IST1: variants seen among roughly 807,000 people sequenced by gnomAD.
IST1 encodes IST1 factor associated with ESCRT-III, also known as IST1 homolog.
A neutral mutation model predicts 37.0 loss-of-function variants in IST1; 23 were observed. That is an observed-to-expected ratio of 0.62 (90% CI 0.45 to 0.88). IST1 has a LOEUF of 0.88. IST1 is among the 40% of genes least tolerant of loss of function. IST1 has a pLI of 0.00. For synonymous variants in IST1, 180 were observed against 161.7 expected, an observed-to-expected ratio of 1.11 and a Z score of -0.86; for missense variants, 488 against 445.4, an observed-to-expected ratio of 1.10 and a Z score of -0.86.
At chr16:71,907,187 CT>C (rs5817797) in intron 1 of IST1, among the ~76,000 whole-genome samples, 78,087 of 135,962 alleles carry the variant, frequency 0.57, 21,680 homozygotes, top group East Asian at 0.9. Context: ...TTTTTTCTTT[CT>C]TTTTTTTTTT....
chr16:71,924,365 T>G (rs1351904858), intron 8 of IST1: 1 of 373,814 alleles, frequency 2.7e-6, no homozygotes, highest in Non-Finnish European at 5.2e-6. Flanking sequence ...ATCCCAGCAC[T>G]TTGGGAGGCT....
chr16:71,895,139 G>A (rs567879930), upstream of IST1: 5 of 282,692 alleles, frequency 1.8e-5, no homozygotes, highest in South Asian at 4.6e-5. Flanking sequence ...AGATCTTAGG[G>A]AGCAACTCCC....
chr16:71,926,238 T>A (rs2037739467), intron 9 of IST1, among the ~76,000 whole-genome samples: 1 of 150,718 alleles, frequency 6.6e-6, no homozygotes, highest in Non-Finnish European at 1.5e-5. Context: ...ACCAAGATTA[T>A]GCCATTGCAC....
intron 1 of IST1, among the ~76,000 whole-genome samples, chr16:71,906,055 G>GT (rs1038956870): frequency 2.0e-5 from 3 of 148,654 alleles, no homozygotes; most frequent in Non-Finnish European, 4.4e-5. Context: ...TGAGGCTGGA[G>GT]TGCAGTGGTG....
chr16:71,930,247 C>G lies in IST1; in HGVS notation c.*2434C>G. ...TTAGTTTATACTTTACAAACATAAG[C>G]TATATGCTAGTGTTTGGGATCTTAT... On this transcript the variant is annotated 3_prime_UTR_variant, in exon 10 of 10. Coordinates refer to ENST00000378799, the MANE Select transcript of IST1 (RefSeq NM_001270975.2). 1 of 1,441,142 alleles carries G rather than the reference C, an allele frequency of 6.9e-7. No homozygotes were observed. The highest frequency in any genetic ancestry group is 9.2e-7 in the Non-Finnish European group (1 of 1,085,820). 89.3% of individuals were successfully genotyped at this position (1,441,142 alleles called of 1,614,324 possible).
chr16:71,927,209 C>CT (rs761116796), intron 9 of IST1, among the ~76,000 whole-genome samples: 1 of 151,938 alleles, frequency 6.6e-6, no homozygotes, highest in East Asian at 1.9e-4. Context: ...CTAGAATTAA[C>CT]TTTTTTTTAG....
intron 1 of IST1, among the ~76,000 whole-genome samples, chr16:71,898,987 ACACT>A (rs2037042165): frequency 6.6e-6 from 1 of 150,510 alleles, no homozygotes; most frequent in East Asian, 2.0e-4. Flanking sequence ...AAAAAAAGAA[ACACT>A]CTTGGTAAAA....
At chr16:71,906,187 T>C (rs967411121) in intron 1 of IST1, among the ~76,000 whole-genome samples, 3 of 151,756 alleles carry the variant, frequency 2.0e-5, no homozygotes, top group Non-Finnish European at 2.9e-5. Context: ...GTGTTTTTAG[T>C]AGAGACGGGG....
chr16:71,925,600 C>T (rs1203197123), intron 9 of IST1, among the ~76,000 whole-genome samples: 2 of 152,106 alleles, frequency 1.3e-5, no homozygotes, highest in Non-Finnish European at 2.9e-5. Flanking sequence ...AGGCATGAGC[C>T]ACCGTGCCCG....
chr16:71,918,455 T>TG (rs2037512468), intron 4 of IST1, among the ~76,000 whole-genome samples: 1 of 149,684 alleles, frequency 6.7e-6, no homozygotes. Flanking sequence ...CTTGCAGTGT[T>TG]GCCTGGGCTG....
upstream of IST1, chr16:71,894,625 A>T: frequency 1.9e-6 from 1 of 517,638 alleles, no homozygotes. Flanking sequence ...TTCTGGGCTC[A>T]AGCGATCTTC....
chr16:71,920,750 GCT>G lies in IST1; in HGVS notation c.372_373del (p.Ala126GlnfsTer3). On this transcript the variant is annotated frameshift_variant, in exon 5 of 10. Transcript: ENST00000378799. LOFTEE classifies it high-confidence loss of function. The part of the protein sequence containing the change: ...VAELKIVADQ[L>X]CAKYSKEYGK... ...CTTTTTCTTTTTAGGTTGCTGATCA[GCT>G]CTGTGCCAAGTATAGCAAGGAATAT... 6.2e-7 allele frequency: 1 copy of G among 1,613,640 alleles called. No individual in the cohort carries two copies. The highest frequency in any genetic ancestry group is 2.2e-5 in the East Asian group (1 of 44,876).
Position 71,920,759 on chromosome 16 carries a change from C to G in IST1, c.378C>G (p.Ala126=). 1.2e-6 allele frequency: 2 copies of G among 1,613,784 alleles called. No homozygotes were observed. Among genetic ancestry groups the G allele is most frequent in the Non-Finnish European group, 1.7e-6 (2 of 1,179,714 alleles). ...TTTAGGTTGCTGATCAGCTCTGTGC[C>G]AAGTATAGCAAGGAATATGGCAAGC... The part of the protein sequence containing the change: ...ELKIVADQLC[A]KYSKEYGKLC... Residue 126 remains alanine, a synonymous_variant, in exon 5 of 10, where the codon GCC becomes GCG. Transcript: ENST00000378799.
chr16:71,906,574 C>T (rs1373989342), intron 1 of IST1, among the ~76,000 whole-genome samples: 1 of 152,054 alleles, frequency 6.6e-6, no homozygotes, highest in African/African-American at 2.4e-5. Context: ...ACTTGGCCTC[C>T]CAAAGTGCTG....
At position 71,930,278 on chromosome 16, in the gene IST1, G is replaced by T; in HGVS notation, c.*2465G>T. 1 of 1,284,580 alleles carries T rather than the reference G, an allele frequency of 7.8e-7. No individual in the cohort carries two copies. Among genetic ancestry groups the T allele is most frequent in the Non-Finnish European group, 1.0e-6 (1 of 978,454 alleles). The allele number at this position is 1,284,580 out of a possible 1,614,324, so 79.6% of individuals were successfully genotyped here. A position where few individuals can be genotyped will look rare whatever the true frequency, so the allele number is the denominator to read the frequency against. On this transcript the variant is annotated 3_prime_UTR_variant, in exon 10 of 10. Coordinates refer to ENST00000378799, the MANE Select transcript of IST1 (RefSeq NM_001270975.2). The stretch of plus-strand genomic sequence containing the variant: ...GCTAGTGTTTGGGATCTTATCAGAA[G>T]AAAAGCTTATCCGAAGGAAACTTAG...
In IST1 at chr16:71,920,880, C is replaced by G. The variant is rs150610071; in HGVS notation, c.441+58C>G. ...TGTGTGGGAGCAGTTTATTGTACTG[C>G]TTGTGGCAATTCTAGTGGGTACCAC... On this transcript the variant is annotated intron_variant, in intron 5 of 9. Transcript: ENST00000378799. The G allele has an allele frequency of 1.9e-5, 23 of 1,217,254 alleles. No individual in the cohort carries two copies. The East Asian group carries it at 5.3e-4, about 28-fold the overall frequency. The allele number at this position is 1,217,254 out of a possible 1,614,324, so 75.4% of individuals were successfully genotyped here.
chr16:71,926,271 G>T (rs2037740439), intron 9 of IST1, among the ~76,000 whole-genome samples: 2 of 152,120 alleles, frequency 1.3e-5, no homozygotes, highest in South Asian at 4.2e-4. Context: ...GACAGAGTGA[G>T]ACTTTGTCTA....
In IST1 at chr16:71,922,517, G is replaced by T; in HGVS notation, c.596G>T (p.Gly199Val). 1 of 1,614,174 alleles carries T rather than the reference G, an allele frequency of 6.2e-7. No individual in the cohort carries two copies. Among genetic ancestry groups the T allele is most frequent in the Non-Finnish European group, 8.5e-7 (1 of 1,180,026 alleles). Residue 199 changes from glycine (G) to valine (V), a missense_variant, in exon 7 of 10, where the codon GGA becomes GTA. Around this residue, in one of 2 missense-constraint regions of IST1, gnomAD observed 455 missense variants for 386.2 expected, o/e 1.18. Coordinates refer to ENST00000378799, the MANE Select transcript of IST1 (RefSeq NM_001270975.2). The stretch of plus-strand genomic sequence containing the variant: ...GTAGAGACAGATCTTATTGATGTTG[G>T]ATTCACAGATGATGTGAAGAAAGGA... Reference protein sequence around the residue: ...PGVETDLIDVGFTDDVKKGGP... With the variant: ...PGVETDLIDVVFTDDVKKGGP...
intron 7 of IST1, 174 bp downstream of exon 7, chr16:71,922,854 T>TG (rs1486541471): frequency 1.6e-6 from 1 of 626,116 alleles, no homozygotes. Flanking sequence ...GAGAAGGTCT[T>TG]CTAGTTCAGC....
Sources: gnomAD v4.1 joint callset for allele counts (sites outside exome capture counted in the v4.1 genomes callset) on GRCh38, gnomAD v4.1.1 for gene constraint, gnomAD v4.1.1 regional missense constraint, MANE v1.5 for transcripts, NCBI Gene and HGNC (gene_info 2026-07-23, HGNC 2026-07-21) for gene names.